The following PIGL variants were observed in gnomAD, a reference collection of about 807,000 sequenced individuals.
The protein encoded by PIGL is N-acetylglucosaminyl-phosphatidylinositol de-N-acetylase.
Under a neutral mutation model 31.1 loss-of-function variants are expected in PIGL, and 22 were observed. The ratio of observed to expected loss-of-function variants is 0.71; its 90% CI spans 0.51 to 1.01. The LOEUF (loss-of-function observed/expected upper bound fraction) is 1.01. Among genes scored for constraint, PIGL ranks in the 50% least tolerant of loss-of-function variants. The pLI is 0.00. For missense variants in PIGL, 302 were observed against 315.9 expected (o/e 0.96, Z 0.33); for synonymous variants, 131 against 117.4 (o/e 1.12, Z -0.75).
chr17:16,242,840 ACTC>A (rs2092728874), intron 2 of PIGL, among the ~76,000 whole-genome samples: 1 of 150,610 alleles, frequency 6.6e-6, no homozygotes, highest in African/African-American at 2.4e-5. Flanking sequence ...CTGGTCTTGA[ACTC>A]CTGACCACAA....
chr17:16,325,714 G>A (rs531301122), intron 6 of PIGL, 86 bp from the exon 7 acceptor site: 25 of 974,814 alleles, frequency 2.6e-5, no homozygotes, highest in African/African-American at 2.2e-4. Context: ...TTCGAGGAAG[G>A]ATTTAAGGTG....
intron 3 of PIGL, 26 bp from the exon 4 acceptor site, chr17:16,313,521 A>G (rs1163855284): frequency 6.3e-7 from 1 of 1,575,270 alleles, no homozygotes; most frequent in African/African-American, 1.3e-5. Context: ...GAAGGCATTC[A>G]GTGAAAACCC....
Position 16,290,396 on chromosome 17 carries a change from C to T in PIGL, c.336-9492C>T, listed in dbSNP as rs757450552. 9.8e-4 allele frequency among the ~76,000 whole-genome samples: 148 copies of T among 151,132 alleles called. 1 individual carries two copies. The highest frequency in any genetic ancestry group is 8.1e-4 in the Non-Finnish European group (55 of 67,748). Reference sequence around the variant, plus strand: ...ATCTCCCCTTCCTCCACTCCTCTTCCCTTCTCTCTCTTTTGAGACAGGGTC... The same window carrying T: ...ATCTCCCCTTCCTCCACTCCTCTTCTCTTCTCTCTCTTTTGAGACAGGGTC... On this transcript the variant is annotated intron_variant, in intron 2 of 6. Coordinates refer to ENST00000225609, the MANE Select transcript of PIGL (RefSeq NM_004278.4).
chr17:16,227,885 A>T (rs1478130394), intron 1 of PIGL, among the ~76,000 whole-genome samples: 3 of 151,084 alleles, frequency 2.0e-5, no homozygotes, highest in Non-Finnish European at 4.4e-5. Flanking sequence ...AGCCTTTTTA[A>T]TTTTTTTCTC....
intron 3 of PIGL, among the ~76,000 whole-genome samples, chr17:16,305,745 C>G (rs981587098): frequency 1.3e-5 from 2 of 152,166 alleles, no homozygotes; most frequent in African/African-American, 2.4e-5. Flanking sequence ...ATGGCAACAG[C>G]CTGGGAGTTG....
intron 1 of PIGL, 128 bp from the exon 2 acceptor site, chr17:16,233,843 T>A: frequency 1.7e-6 from 1 of 576,678 alleles, no homozygotes; most frequent in East Asian, 2.8e-5. Context: ...TTAAACTTTG[T>A]ATCATAATCA....
intron 1 of PIGL, among the ~76,000 whole-genome samples, chr17:16,222,520 A>G (rs977961594): frequency 1.3e-5 from 2 of 151,002 alleles, no homozygotes; most frequent in African/African-American, 4.9e-5. Flanking sequence ...GAACTGAATC[A>G]CAAAGTTTAA....
chr17:16,226,083 A>G (rs1299400610), intron 1 of PIGL, among the ~76,000 whole-genome samples: 1 of 152,064 alleles, frequency 6.6e-6, no homozygotes, highest in Non-Finnish European at 1.5e-5. Context: ...AGGTGGAAGA[A>G]CACTTGAGCC....
At chr17:16,247,685 C>T (rs927248476) in intron 2 of PIGL, among the ~76,000 whole-genome samples, 19 of 152,156 alleles carry the variant, frequency 1.2e-4, no homozygotes, top group Admixed American at 2.6e-4. Context: ...TGAAGGACGA[C>T]GCATGTTTGC....
At chr17:16,304,428 G>T (rs146548574) in intron 3 of PIGL, among the ~76,000 whole-genome samples, 36 of 152,270 alleles carry the variant, frequency 2.4e-4, no homozygotes, top group African/African-American at 8.7e-4. Context: ...ACATCATAAA[G>T]ACCATAAGGA....
chr17:16,238,441 T>C (rs571360468), intron 2 of PIGL, among the ~76,000 whole-genome samples: 23 of 146,888 alleles, frequency 1.6e-4, no homozygotes, highest in Middle Eastern at 3.5e-3. Flanking sequence ...TTTTTTCTTT[T>C]TTTTTTTTTT....
chr17:16,300,097 T>A, intron 3 of PIGL, 119 bp downstream of exon 3: 1 of 717,554 alleles, frequency 1.4e-6, no homozygotes, highest in Non-Finnish European at 2.5e-6. Flanking sequence ...AGGGCCACTC[T>A]CTAAGGAGGC....
At chr17:16,298,022 G>A (rs777680253) in intron 2 of PIGL, among the ~76,000 whole-genome samples, 10 of 152,228 alleles carry the variant, frequency 6.6e-5, no homozygotes, top group Middle Eastern at 3.4e-3. Context: ...CTCCGCGTGC[G>A]AGGGATCTAG....
chr17:16,311,714 G>T (rs948284443), intron 3 of PIGL, among the ~76,000 whole-genome samples: 4 of 149,914 alleles, frequency 2.7e-5, no homozygotes, highest in Non-Finnish European at 3.0e-5. Flanking sequence ...ATCTTGCACC[G>T]CCCTTAATCC....
At chr17:16,217,646 A>AATCT in intron 1 of PIGL, 185 bp downstream of exon 1, 1 of 511,624 alleles carries the variant, frequency 2.0e-6, no homozygotes, top group Non-Finnish European at 3.4e-6. Context: ...GGGTTGGGGG[A>AATCT]CGTCGGCAGC....
At chr17:16,311,540 GAGGGA>G (rs1018121697) in intron 3 of PIGL, among the ~76,000 whole-genome samples, 4 of 138,524 alleles carry the variant, frequency 2.9e-5, no homozygotes, top group African/African-American at 1.1e-4. Flanking sequence ...GACAATAGTG[GAGGGA>G]AGGTCAGCAG....
chr17:16,281,969 A>C, intron 2 of PIGL: 1 of 475,100 alleles, frequency 2.1e-6, no homozygotes, highest in Non-Finnish European at 4.5e-6. Context: ...TATTGCCCCC[A>C]GACAATGGAA....
At chr17:16,307,670 CA>C (rs34629340) in intron 3 of PIGL, among the ~76,000 whole-genome samples, 5 of 148,898 alleles carry the variant, frequency 3.4e-5, no homozygotes, top group South Asian at 2.1e-4. Flanking sequence ...ACCACAACCT[CA>C]AAAAAAAAAG....
intron 2 of PIGL, among the ~76,000 whole-genome samples, chr17:16,284,461 C>G (rs1295212775): frequency 6.6e-6 from 1 of 152,188 alleles, no homozygotes; most frequent in Non-Finnish European, 1.5e-5. Flanking sequence ...CTTTGTAGGA[C>G]TAACGAATTA....
Sources: gnomAD v4.1 joint callset for allele counts (sites outside exome capture counted in the v4.1 genomes callset) on GRCh38, gnomAD v4.1.1 for gene constraint, MANE v1.5 for transcripts, NCBI Gene and HGNC (gene_info 2026-07-23, HGNC 2026-07-21) for gene names.